Variants in COL7A1 observed in about 807,000 individuals in gnomAD.
COL7A1 encodes the protein collagen alpha-1(VII) chain.
COL7A1 carries 296 observed loss-of-function variants against 456.2 expected under a neutral mutation model. The observed-to-expected ratio is 0.65, with a 90% CI of 0.59 to 0.71. The LOEUF is 0.71. COL7A1 is among the 30% of genes least tolerant of loss of function. The pLI, the probability that COL7A1 is intolerant of heterozygous loss-of-function variation, is 0.00. For synonymous variants in COL7A1, 1,464 were observed against 1,525.9 expected, an observed-to-expected ratio of 0.96 and a Z score of 0.95; for missense variants, 3,441 against 4,017.2, an observed-to-expected ratio of 0.86 and a Z score of 3.88.
At position 48,587,809 on chromosome 3, in the gene COL7A1, C is replaced by T. The variant is rs1327984563; in HGVS notation, c.2841G>A (p.Glu947=). The change falls in exon 22 of 119, where the codon GAG becomes GAA. Residue 947 remains glutamate, a synonymous_variant. Coordinates refer to ENST00000681320, the MANE Select transcript of COL7A1 (RefSeq NM_000094.4). The surrounding 1 kb of genome is among the most constrained non-coding windows in gnomAD (Gnocchi z 6.1). ...CAGGCTTACCAGTGCGCGCAGTCACCTCTGCAGAGGGCCCTTCTCCAGCTG... is the reference window on the plus strand; with the variant it reads ...CAGGCTTACCAGTGCGCGCAGTCACTTCTGCAGAGGGCCCTTCTCCAGCTG... ...LGPAGEGPSA[E]VTARTESPRV... The T allele has an allele frequency of 6.2e-7, 1 of 1,613,366 alleles. No homozygotes were observed. The highest frequency in any genetic ancestry group is 1.7e-5 in the Admixed American group (1 of 60,022).
At position 48,572,725 on chromosome 3, in the gene COL7A1, C is replaced by T. The variant is rs1355509467; in HGVS notation, c.6846G>A (p.Leu2282=). Residue 2282 remains leucine, a synonymous_variant, in exon 88 of 119, where the codon CTG becomes CTA. Transcript: ENST00000681320. The surrounding 1 kb of genome is among the most constrained non-coding windows in gnomAD (Gnocchi z 4.6). ...CTCCTTTAGGTCCGACAGGGCCAGGCAGACCTGGTGACCCCTATGGCAGAG... is the reference window on the plus strand; with the variant it reads ...CTCCTTTAGGTCCGACAGGGCCAGGTAGACCTGGTGACCCCTATGGCAGAG... ...GSPGVPGSPG[L]PGPVGPKGEP... 1 of 1,609,588 alleles carries T rather than the reference C, an allele frequency of 6.2e-7. No individual in the cohort carries two copies. The highest frequency in any genetic ancestry group is 8.5e-7 in the Non-Finnish European group (1 of 1,178,016).
At position 48,582,465 on chromosome 3, in the gene COL7A1, G is replaced by T; in HGVS notation, c.4599+13C>A. On this transcript the variant is annotated intron_variant, in intron 46 of 118. Coordinates refer to ENST00000681320, the MANE Select transcript of COL7A1 (RefSeq NM_000094.4). ...CTAGTACCAGACAGTGCCACCCCCAGCCGAGGACCCACCTTCTCTCCTTGG... is the reference window on the plus strand; with the variant it reads ...CTAGTACCAGACAGTGCCACCCCCATCCGAGGACCCACCTTCTCTCCTTGG... 6.2e-7 allele frequency: 1 copy of T among 1,614,172 alleles called. No individual in the cohort carries two copies. The highest frequency in any genetic ancestry group is 8.5e-7 in the Non-Finnish European group (1 of 1,180,024).
At position 48,587,935 on chromosome 3, in the gene COL7A1, G is replaced by A; in HGVS notation, c.2715C>T (p.Gly905=). The part of the protein sequence containing the change: ...GFLLHWQPEG[G]QEQSRVLGPE... The stretch of plus-strand genomic sequence containing the variant: ...GCCCCAGGACCCGGGACTGTTCCTG[G>A]CCACCTGGGGCAGGCGTGAGGGTGG... The change falls in exon 22 of 119, where the codon GGC becomes GGT. Residue 905 remains glycine, a synonymous_variant. Transcript: ENST00000681320. This position sits in a 1 kb window ranked among gnomAD's most constrained non-coding sequence, Gnocchi z 6.1. 1 of 1,591,174 alleles carries A rather than the reference G, an allele frequency of 6.3e-7. No homozygotes were observed.
rs2044520987 is a variant in COL7A1, at chr3:48,578,916, T to TA, written c.5424+2dup. ...CTCTGTCCCAGCATCTCCCCTCACTTACGTCTCTCCCTGGGTCCCCAGCTT... is the reference window on the plus strand; with the variant it reads ...CTCTGTCCCAGCATCTCCCCTCACTTAACGTCTCTCCCTGGGTCCCCAGCTT... On this transcript the variant is annotated splice_region_variant and intron_variant, in intron 63 of 118. Transcript: ENST00000681320. This position sits in a 1 kb window ranked among gnomAD's most constrained non-coding sequence, Gnocchi z 4.7. The TA allele has an allele frequency of 6.2e-7, 1 of 1,613,624 alleles. No individual in the cohort carries two copies. The highest frequency in any genetic ancestry group is 8.5e-7 in the Non-Finnish European group (1 of 1,179,900).
chr3:48,565,393 G>T lies in COL7A1; in HGVS notation c.8527+17C>A. 1 of 1,597,986 alleles carries T rather than the reference G, an allele frequency of 6.3e-7. No individual in the cohort carries two copies. Among genetic ancestry groups the T allele is most frequent in the South Asian group, 1.1e-5 (1 of 89,034 alleles). ...CGGCCCCACCCATAGCTGCCCCACG[G>T]GTTCAGCTGTCCTCACCTTCCTCCT... On this transcript the variant is annotated intron_variant, in intron 116 of 118. Transcript: ENST00000681320. This position sits in a 1 kb window ranked among gnomAD's most constrained non-coding sequence, Gnocchi z 4.5.
Position 48,575,445 on chromosome 3 carries a change from C to G in COL7A1, c.6074G>C (p.Gly2025Ala), listed in dbSNP as rs766931219. Residue 2025 changes from glycine (G) to alanine (A), a missense_variant, in exon 74 of 119, where the codon GGC (glycine) becomes GCC (alanine). Transcript: ENST00000681320. The surrounding 1 kb of genome is among the most constrained non-coding windows in gnomAD (Gnocchi z 6.3). ...GPPGLALGER[G>A]PPGPSGLAGE... The stretch of plus-strand genomic sequence containing the variant: ...GGCAAGGCCGGAAGGCCCGGGGGGG[C>G]CCCTCTCCCCAAGGGCCAGACCAGG... 1 of 1,609,822 alleles carries G rather than the reference C, an allele frequency of 6.2e-7. No homozygotes were observed. The highest frequency in any genetic ancestry group is 8.5e-7 in the Non-Finnish European group (1 of 1,178,956).
At position 48,594,614 on chromosome 3, in the gene COL7A1, G is replaced by A. The variant is rs1023195643; in HGVS notation, c.86-66C>T. 1.3e-5 allele frequency: 19 copies of A among 1,513,010 alleles called. No individual in the cohort carries two copies. In the African/African-American group the frequency reaches 2.3e-4, roughly 19 times the overall value. 93.7% of individuals were successfully genotyped at this position (1,513,010 alleles called of 1,614,324 possible). ...CAACCACCCGCCTACCCGCACGGTG[G>A]CCTCACTGGGACTTGGGATGGTGGG... On this transcript the variant is annotated intron_variant, in intron 2 of 118. Coordinates refer to ENST00000681320, the MANE Select transcript of COL7A1 (RefSeq NM_000094.4). The surrounding 1 kb of genome is among the most constrained non-coding windows in gnomAD (Gnocchi z 5.5).
chr3:48,573,045 C>A lies in COL7A1; in HGVS notation c.6726G>T (p.Gly2242=), dbSNP rs2044043324. 4 of 1,614,150 alleles carry A rather than the reference C, an allele frequency of 2.5e-6. No individual in the cohort carries two copies. Among genetic ancestry groups the A allele is most frequent in the South Asian group, 1.1e-5 (1 of 91,088 alleles). ...PGPSGLVGPQ[G]SPGLPGQVGE... ...CCACTTGTCCAGGCAAACCTGGAGA[C>A]CCCTGTGGACCCTGACGGAGAACAA... Residue 2242 remains glycine, a synonymous_variant, in exon 86 of 119, where the codon GGG becomes GGT. Transcript: ENST00000681320. This position sits in a 1 kb window ranked among gnomAD's most constrained non-coding sequence, Gnocchi z 5.5.
chr3:48,587,513 T>G lies in COL7A1; in HGVS notation c.2899A>C (p.Thr967Pro), dbSNP rs1575476561. ...VPSIELRVVD[T>P]SIDSVTLAWT... The stretch of plus-strand genomic sequence containing the variant: ...GCCAAAGTCACCGAGTCGATCGAGG[T>G]GTCCACCACACGTAGTTCAATGCTT... Residue 967 changes from threonine to proline, a missense_variant, in exon 23 of 119, where the codon ACC becomes CCC. By Grantham distance (38) the Thr-to-Pro change is conservative. Around this residue, in one of 3 missense-constraint regions of COL7A1, gnomAD observed 444 missense variants for 427.6 expected, o/e 1.04. Transcript: ENST00000681320. This position sits in a 1 kb window ranked among gnomAD's most constrained non-coding sequence, Gnocchi z 6.1. 1 of 1,613,370 alleles carries G rather than the reference T, an allele frequency of 6.2e-7. No individual in the cohort carries two copies. Among genetic ancestry groups the G allele is most frequent in the Non-Finnish European group, 8.5e-7 (1 of 1,179,998 alleles).
At position 48,572,485 on chromosome 3, in the gene COL7A1, A is replaced by G; in HGVS notation, c.6936+18T>C. ...CACCAGTTGACCCCCCCTCACTGGC[A>G]GCCCCACACACACTCACCTTCTCTC... On this transcript the variant is annotated intron_variant, in intron 89 of 118. Transcript: ENST00000681320. The surrounding 1 kb of genome is among the most constrained non-coding windows in gnomAD (Gnocchi z 4.6). The G allele has an allele frequency of 6.2e-7, 1 of 1,611,836 alleles. No individual in the cohort carries two copies. Among genetic ancestry groups the G allele is most frequent in the Non-Finnish European group, 8.5e-7 (1 of 1,179,078 alleles).
At position 48,591,899 on chromosome 3, in the gene COL7A1, A is replaced by C. The variant is rs1255328802; in HGVS notation, c.1356T>G (p.Thr452=). 1 of 1,614,184 alleles carries C rather than the reference A, an allele frequency of 6.2e-7. No individual in the cohort carries two copies. Among genetic ancestry groups the C allele is most frequent in the Middle Eastern group, 1.6e-4 (1 of 6,062 alleles). Reference sequence around the variant, plus strand: ...GTCCATCCCTTCCCCCGCACTGACCAGTCTCACGCCGCCATTCCAACCGGT... The same window carrying C: ...GTCCATCCCTTCCCCCGCACTGACCCGTCTCACGCCGCCATTCCAACCGGT... ...RGYRLEWRRE[T]GLEPPQKVVL... Residue 452 remains threonine, a splice_region_variant and synonymous_variant, in exon 11 of 119, where the codon ACT becomes ACG. Transcript: ENST00000681320. This position sits in a 1 kb window ranked among gnomAD's most constrained non-coding sequence, Gnocchi z 7.0.
chr3:48,592,943 G>A lies in COL7A1; in HGVS notation c.683-5C>T, dbSNP rs2045812815. ...GAGCAGAGGTCGAGTCATCCGCTGG[G>A]AATGCGGGATCAGGGGATCAGGCAG... On this transcript the variant is annotated splice_polypyrimidine_tract_variant and splice_region_variant and intron_variant, in intron 6 of 118. Coordinates refer to ENST00000681320, the MANE Select transcript of COL7A1 (RefSeq NM_000094.4). The surrounding 1 kb of genome is among the most constrained non-coding windows in gnomAD (Gnocchi z 7.6). The A allele has an allele frequency of 6.2e-7, 1 of 1,613,698 alleles. No individual in the cohort carries two copies. Among genetic ancestry groups the A allele is most frequent in the Non-Finnish European group, 8.5e-7 (1 of 1,179,968 alleles).
chr3:48,580,777 G>A lies in COL7A1; in HGVS notation c.4980+105C>T. The A allele has an allele frequency of 6.4e-7, 1 of 1,562,788 alleles. No homozygotes were observed. On this transcript the variant is annotated intron_variant, in intron 54 of 118. Coordinates refer to ENST00000681320, the MANE Select transcript of COL7A1 (RefSeq NM_000094.4). The surrounding 1 kb of genome is among the most constrained non-coding windows in gnomAD (Gnocchi z 4.5). Reference sequence around the variant, plus strand: ...ACATCAGAGGTTCCCATCACCCCATGCCTCCCTGCAGGGACTCCCATCACC... The same window carrying A: ...ACATCAGAGGTTCCCATCACCCCATACCTCCCTGCAGGGACTCCCATCACC...
In COL7A1 at chr3:48,572,267, C is replaced by T; in HGVS notation, c.6979-96G>A. 6.2e-7 allele frequency: 1 copy of T among 1,611,088 alleles called. No homozygotes were observed. The highest frequency in any genetic ancestry group is 1.7e-4 in the Middle Eastern group (1 of 6,056). ...GGCCAGAGCTTAAATATGCGGTCTA[C>T]TATGAAAGCTGAGGGTCATGAGGGT... On this transcript the variant is annotated intron_variant, in intron 90 of 118. Coordinates refer to ENST00000681320, the MANE Select transcript of COL7A1 (RefSeq NM_000094.4). The surrounding 1 kb of genome is among the most constrained non-coding windows in gnomAD (Gnocchi z 4.6).
chr3:48,565,686 G>T lies in COL7A1; in HGVS notation c.8408-18C>A. 6.2e-7 allele frequency: 1 copy of T among 1,609,228 alleles called. No individual in the cohort carries two copies. The highest frequency in any genetic ancestry group is 8.5e-7 in the Non-Finnish European group (1 of 1,177,438). On this transcript the variant is annotated intron_variant, in intron 114 of 118. Coordinates refer to ENST00000681320, the MANE Select transcript of COL7A1 (RefSeq NM_000094.4). The surrounding 1 kb of genome is among the most constrained non-coding windows in gnomAD (Gnocchi z 4.5). ...CTGGCAGGCTAGAGGGGGCAGAGAG[G>T]GATAGAGAGACAATGACAGAGAGAA...
rs903839030 is a variant in COL7A1 at position 48,564,801 on chromosome 3, C to T, written c.8800G>A (p.Val2934Ile). 6.2e-7 allele frequency: 1 copy of T among 1,613,768 alleles called. No homozygotes were observed. The highest frequency in any genetic ancestry group is 1.3e-5 in the African/African-American group (1 of 74,934). Reference sequence around the variant, plus strand: ...CCCATACCTGTCCCCTGGCTCTGGACCACCCGGGGTGGGCAGCGGCGCTCG... The same window carrying T: ...CCCATACCTGTCCCCTGGCTCTGGATCACCCGGGGTGGGCAGCGGCGCTCG... ...ACERRCPPRV[V>I]QSQGTGTAQD The change falls in exon 118 of 119, where the codon GTC (valine) becomes ATC (isoleucine). Residue 2934 changes from valine to isoleucine, a missense_variant. Physicochemically the swap from Val to Ile is conservative, Grantham distance 29. Around this residue, in one of 3 missense-constraint regions of COL7A1, gnomAD observed 2,084 missense variants for 2,501.3 expected, o/e 0.83. Transcript: ENST00000681320. This position sits in a 1 kb window ranked among gnomAD's most constrained non-coding sequence, Gnocchi z 6.0.
At position 48,580,968 on chromosome 3, in the gene COL7A1, G is replaced by A; in HGVS notation, c.4936-42C>T. ...AAGTCATACTGCACAGGGCAGTCAG[G>A]ATCTAACTCACTCAGGGAGAGGGGA... On this transcript the variant is annotated intron_variant, in intron 53 of 118. Coordinates refer to ENST00000681320, the MANE Select transcript of COL7A1 (RefSeq NM_000094.4). The surrounding 1 kb of genome is among the most constrained non-coding windows in gnomAD (Gnocchi z 4.5). 1 of 1,612,614 alleles carries A rather than the reference G, an allele frequency of 6.2e-7. No individual in the cohort carries two copies. The highest frequency in any genetic ancestry group is 2.2e-5 in the East Asian group (1 of 44,846).
Position 48,572,021 on chromosome 3 carries a change from G to A in COL7A1, c.7048C>T (p.Pro2350Ser), listed in dbSNP as rs749870307. ...EKGEAGRAGE[P>S]GDPGEDGQKG... is the part of the protein sequence containing the mutation. ...CTCACATCTTCCCCAGGGTCTCCGG[G>A]CTCCCCTGCACGGCCAGCTTCACCC... The change falls in exon 92 of 119, where the codon CCC (proline) becomes TCC (serine). Residue 2350 changes from proline (P) to serine (S), a missense_variant. Transcript: ENST00000681320. The surrounding 1 kb of genome is among the most constrained non-coding windows in gnomAD (Gnocchi z 4.6). 92 of 1,612,680 alleles carry A rather than the reference G, an allele frequency of 5.7e-5. No homozygotes were observed. The highest frequency in any genetic ancestry group is 4.4e-4 in the South Asian group (40 of 90,808).
chr3:48,580,556 TGA>T lies in COL7A1; in HGVS notation c.5052+23_5052+24del. The T allele has an allele frequency of 6.2e-7, 1 of 1,611,160 alleles. No homozygotes were observed. The highest frequency in any genetic ancestry group is 2.2e-5 in the East Asian group (1 of 44,804). On this transcript the variant is annotated intron_variant, in intron 55 of 118. Coordinates refer to ENST00000681320, the MANE Select transcript of COL7A1 (RefSeq NM_000094.4). The surrounding 1 kb of genome is among the most constrained non-coding windows in gnomAD (Gnocchi z 4.5). ...GCTGGTTGGAGGGTTAAGGTTGGGG[TGA>T]GGAGTCATAGGCTGGGACTCACATT... is the stretch of plus-strand genomic sequence containing the variant.
Sources: gnomAD v4.1 joint callset for allele counts on GRCh38, gnomAD v4.1.1 for gene constraint, gnomAD v4.1.1 regional missense constraint, Gnocchi (gnomAD v3.1) non-coding constraint, MANE v1.5 for transcripts, NCBI Gene and HGNC (gene_info 2026-07-23, HGNC 2026-07-21) for gene names.